The following EYS variants were observed in gnomAD, a reference collection of about 807,000 sequenced individuals.
The protein encoded by EYS is EGF-like photoreceptor maintenance factor, also known as protein eyes shut homolog.
EYS carries 250 observed loss-of-function variants against 282.1 expected under a neutral mutation model. The observed-to-expected ratio is 0.89, with a 90% CI of 0.80 to 0.98. EYS has a LOEUF of 0.98. EYS is among the 50% of genes least tolerant of loss of function. The probability of loss-of-function intolerance (pLI) is 0.00; values close to 1 mark genes in which losing one functional copy is unlikely to be tolerated. For missense variants in EYS, 4,016 were observed against 3,709.0 expected, an observed-to-expected ratio of 1.08 and a Z score of -2.15; for synonymous variants, 1,355 against 1,282.9, an observed-to-expected ratio of 1.06 and a Z score of -1.20.
intron 30 of EYS, among the ~76,000 whole-genome samples, chr6:64,306,528 T>C (rs1561920062): frequency 6.6e-6 from 1 of 152,148 alleles, no homozygotes; most frequent in Non-Finnish European, 1.5e-5. Context: ...GAGATTTCTG[T>C]ATCCAGAAGC....
At chr6:63,855,371 A>G (rs1317107254) in intron 36 of EYS, among the ~76,000 whole-genome samples, 2 of 152,236 alleles carry the variant, frequency 1.3e-5, no homozygotes, top group African/African-American at 2.4e-5. Flanking sequence ...GCTTATGGGT[A>G]TCTTATCGCA....
intron 12 of EYS, among the ~76,000 whole-genome samples, chr6:65,217,947 A>C (rs1434057139): frequency 1.3e-5 from 2 of 152,070 alleles, no homozygotes; most frequent in African/African-American, 4.8e-5. Flanking sequence ...GAGTAGAAGC[A>C]CTGAGACCAA....
At chr6:64,342,479 A>G (rs532429031) in intron 29 of EYS, among the ~76,000 whole-genome samples, 1 of 152,118 alleles carries the variant, frequency 6.6e-6, no homozygotes, top group Admixed American at 6.5e-5. Context: ...TTCATAAGTG[A>G]AGGAGAAATA....
At chr6:65,329,340 C>A (rs1769713176) in intron 11 of EYS, 5 of 843,670 alleles carry the variant, frequency 5.9e-6, no homozygotes. Context: ...ATGGGTAATA[C>A]AATGATATGT....
intron 30 of EYS, among the ~76,000 whole-genome samples, chr6:64,233,611 AGAAAATAGTAAGTGT>A (rs1028975439): frequency 1.3e-5 from 2 of 152,244 alleles, no homozygotes; most frequent in African/African-American, 4.8e-5. Context: ...ATGAGAGTTT[AGAAAATAGTAAGTGT>A]GAAAATCTGT....
At chr6:63,949,529 T>C (rs1383512357) in intron 35 of EYS, among the ~76,000 whole-genome samples, 1 of 152,180 alleles carries the variant, frequency 6.6e-6, no homozygotes, top group Non-Finnish European at 1.5e-5. Flanking sequence ...TTAGACATAT[T>C]CTTTTCATTG....
intron 33 of EYS, among the ~76,000 whole-genome samples, chr6:64,001,963 C>G (rs1175655859): frequency 6.6e-6 from 1 of 152,176 alleles, no homozygotes; most frequent in Non-Finnish European, 1.5e-5. Flanking sequence ...AGAATAGGCA[C>G]TCATGTTTTC....
chr6:65,489,725 C>G (rs942091648), intron 5 of EYS: 1 of 152,054 alleles, frequency 6.6e-6, no homozygotes, highest in African/African-American at 2.4e-5. Context: ...GGAACTAACC[C>G]AAATGTCCAT....
intron 11 of EYS, chr6:65,329,738 A>G (rs1192078009): frequency 6.2e-6 from 6 of 974,338 alleles, no homozygotes; most frequent in Non-Finnish European, 7.3e-6. Flanking sequence ...AGAATAAATA[A>G]TTATTAGACT....
chr6:65,111,874 C>A (rs184104512), intron 12 of EYS, among the ~76,000 whole-genome samples: 1 of 152,128 alleles, frequency 6.6e-6, no homozygotes, highest in Non-Finnish European at 1.5e-5. Context: ...CCCATGTTAA[C>A]TTTGGTTCCA....
chr6:65,159,062 C>T (rs946648432), intron 12 of EYS, among the ~76,000 whole-genome samples: 1 of 150,662 alleles, frequency 6.6e-6, no homozygotes, highest in Admixed American at 6.6e-5. Context: ...TCTGAGCTTC[C>T]CTTCTTATCT....
chr6:65,694,706 C>A (rs1481648978), intron 1 of EYS, among the ~76,000 whole-genome samples: 1 of 145,356 alleles, frequency 6.9e-6, no homozygotes, highest in African/African-American at 2.5e-5. Flanking sequence ...ATGATGTTAA[C>A]TAGCAACGAG....
intron 21 of EYS, among the ~76,000 whole-genome samples, chr6:64,817,671 T>C (rs1169660394): frequency 6.6e-6 from 1 of 152,172 alleles, no homozygotes; most frequent in Non-Finnish European, 1.5e-5. Flanking sequence ...TGTTGAATGT[T>C]TAGCTGTCAC....
chr6:63,751,782 A>T (rs1411190449), intron 41 of EYS, among the ~76,000 whole-genome samples: 1 of 152,184 alleles, frequency 6.6e-6, no homozygotes, highest in East Asian at 1.9e-4. Flanking sequence ...AATTATAGAA[A>T]AAATAAAATC....
chr6:65,121,719 TCTA>T (rs1775556885), intron 12 of EYS, among the ~76,000 whole-genome samples: 1 of 152,156 alleles, frequency 6.6e-6, no homozygotes, highest in African/African-American at 2.4e-5. Flanking sequence ...CTCTCTGTAT[TCTA>T]CTACTCTACA....
intron 29 of EYS, among the ~76,000 whole-genome samples, chr6:64,313,238 A>T (rs188477346): frequency 7.4e-4 from 112 of 152,126 alleles, no homozygotes; most frequent in Non-Finnish European, 1.4e-3. Flanking sequence ...TGAAGCATAC[A>T]CAAGTTGCAA....
intron 2 of EYS, among the ~76,000 whole-genome samples, chr6:65,635,073 T>G (rs966701503): frequency 6.6e-6 from 1 of 152,218 alleles, no homozygotes; most frequent in African/African-American, 2.4e-5. Flanking sequence ...TTCATTTAAG[T>G]GCTGTGCTAA....
At chr6:64,740,227 A>C (rs1772326318) in intron 22 of EYS, among the ~76,000 whole-genome samples, 1 of 152,164 alleles carries the variant, frequency 6.6e-6, no homozygotes, top group African/African-American at 2.4e-5. Flanking sequence ...GAGCAGTTCT[A>C]ATACATTTCC....
In EYS at chr6:63,918,553, C is replaced by T. The variant is rs143608132; in HGVS notation, c.7056-54195G>A. On this transcript the variant is annotated intron_variant, in intron 35 of 42. Transcript: ENST00000503581. ...CATCCTAAGGAGCTCATCCACAGATCTGCCTGTGAGTCCAGAAAGCAACTC... is the reference window on the plus strand; with the variant it reads ...CATCCTAAGGAGCTCATCCACAGATTTGCCTGTGAGTCCAGAAAGCAACTC... Among the ~76,000 whole-genome samples the T allele has an allele frequency of 1.2e-4, 19 of 152,226 alleles. No homozygotes were observed. The East Asian group carries it at 3.7e-3, about 29-fold the overall frequency.
Sources: allele counts gnomAD v4.1 joint callset (sites outside exome capture counted in the v4.1 genomes callset), GRCh38; gene constraint gnomAD v4.1.1; transcripts MANE v1.5; gene names NCBI Gene and HGNC (gene_info 2026-07-23, HGNC 2026-07-21).